Variants in VPS13A observed in about 807,000 individuals in gnomAD.
VPS13A encodes the protein intermembrane lipid transfer protein VPS13A.
VPS13A carries 264 observed loss-of-function variants against 390.9 expected under a neutral mutation model. That is an observed-to-expected ratio of 0.68 (90% CI 0.61 to 0.75). The LOEUF (loss-of-function observed/expected upper bound fraction) is 0.75, where lower values mean the gene tolerates loss of function less well. VPS13A is among the 30% of genes least tolerant of loss of function. The pLI is 0.00. For missense variants in VPS13A, 3,409 were observed against 3,733.9 expected (o/e 0.91, Z 2.27); for synonymous variants, 1,231 against 1,227.1 (o/e 1.00, Z -0.07).
intron 53 of VPS13A, 125 bp downstream of exon 53, chr9:77,351,571 G>A: frequency 8.2e-7 from 1 of 1,218,602 alleles, no homozygotes; most frequent in Admixed American, 1.7e-5. Context: ...ATGAGTTGGA[G>A]ATCAGCCTGG....
chr9:77,242,682 G>T (rs1240947375), intron 19 of VPS13A, among the ~76,000 whole-genome samples: 1 of 151,724 alleles, frequency 6.6e-6, no homozygotes, highest in East Asian at 1.9e-4. Context: ...GAAACTCATA[G>T]TTAAATACAA....
chr9:77,367,960 A>G (rs1212152397), intron 61 of VPS13A, 95 bp from the exon 62 acceptor site: 1 of 1,179,146 alleles, frequency 8.5e-7, no homozygotes, highest in African/African-American at 1.5e-5. Context: ...AAAGGTTTGG[A>G]GAAAAGATTC....
At chr9:77,268,409 C>T (rs1187446364) in intron 23 of VPS13A, among the ~76,000 whole-genome samples, 1 of 152,118 alleles carries the variant, frequency 6.6e-6, no homozygotes, top group East Asian at 1.9e-4. Flanking sequence ...AGGGAGTTCC[C>T]TGATCCCTTT....
Position 77,370,523 on chromosome 9 carries a change from A to C in VPS13A, c.8852A>C (p.Lys2951Thr). The change falls in exon 65 of 72, where the codon AAG (lysine) becomes ACG (threonine). Residue 2951 changes from lysine (K) to threonine (T), a missense_variant. Transcript: ENST00000360280. ...CAGAAGAGAAGAGAAGCCATGAATA[A>C]GCAACCAGCTGGTTTTAGAGAAGGC... ...YQQKRREAMNKQPAGFREGIT... is the reference protein window; with the variant it reads ...YQQKRREAMNTQPAGFREGIT... The C allele has an allele frequency of 6.2e-7, 1 of 1,614,186 alleles. No individual in the cohort carries two copies. Among genetic ancestry groups the C allele is most frequent in the Non-Finnish European group, 8.5e-7 (1 of 1,180,022 alleles).
intron 1 of VPS13A, among the ~76,000 whole-genome samples, chr9:77,185,316 AT>A (rs1412619952): frequency 6.6e-6 from 1 of 151,992 alleles, no homozygotes; most frequent in Non-Finnish European, 1.5e-5. Flanking sequence ...TACTTTTTGT[AT>A]TTTTAGTAGA....
At chr9:77,392,475 T>G (rs1833935064) in intron 68 of VPS13A, among the ~76,000 whole-genome samples, 1 of 152,150 alleles carries the variant, frequency 6.6e-6, no homozygotes, top group East Asian at 1.9e-4. Flanking sequence ...TGACGTCAGT[T>G]TCCAGGTTGT....
At chr9:77,258,275 T>C (rs965544573) in intron 22 of VPS13A, among the ~76,000 whole-genome samples, 1 of 152,170 alleles carries the variant, frequency 6.6e-6, no homozygotes, top group African/African-American at 2.4e-5. Flanking sequence ...GAGTTGCTAC[T>C]AGCAAGGCAA....
At chr9:77,382,990 A>G (rs1301338597) in intron 68 of VPS13A, 8 of 985,152 alleles carry the variant, frequency 8.1e-6, no homozygotes, top group African/African-American at 1.7e-5. Flanking sequence ...AAATTAAATC[A>G]TTTGTTTGAA....
At chr9:77,205,928 A>T in intron 4 of VPS13A, 50 bp from the exon 5 acceptor site, 1 of 1,165,376 alleles carries the variant, frequency 8.6e-7, no homozygotes, top group Non-Finnish European at 1.2e-6. Context: ...TGGAATGACT[A>T]TATTTAAATT....
intron 17 of VPS13A, among the ~76,000 whole-genome samples, chr9:77,237,560 T>C (rs1274820325): frequency 6.6e-6 from 1 of 152,132 alleles, no homozygotes; most frequent in Non-Finnish European, 1.5e-5. Flanking sequence ...AGACAGGGTT[T>C]CACCACGTTG....
At chr9:77,250,363 G>T (rs1213810625) in intron 21 of VPS13A, 134 bp downstream of exon 21, 1 of 1,127,408 alleles carries the variant, frequency 8.9e-7, no homozygotes, top group Non-Finnish European at 1.3e-6. Context: ...AGTAAATATT[G>T]TCTAGCTGTT....
chr9:77,239,315 G>A (rs748870979), intron 19 of VPS13A, among the ~76,000 whole-genome samples: 8 of 151,578 alleles, frequency 5.3e-5, no homozygotes, highest in Non-Finnish European at 7.4e-5. Context: ...TAATAGAGAC[G>A]GGGTTTTAAT....
chr9:77,399,825 C>T (rs557057899), intron 68 of VPS13A, among the ~76,000 whole-genome samples: 2 of 152,298 alleles, frequency 1.3e-5, no homozygotes, highest in Admixed American at 1.3e-4. Flanking sequence ...CATGTTGAAA[C>T]TGGTTTAACT....
intron 45 of VPS13A, among the ~76,000 whole-genome samples, chr9:77,325,543 T>C (rs1829972275): frequency 6.6e-6 from 1 of 152,026 alleles, no homozygotes; most frequent in Admixed American, 6.5e-5. Flanking sequence ...ATTTGTTCTT[T>C]GCTTCCATCT....
intron 68 of VPS13A, among the ~76,000 whole-genome samples, chr9:77,394,308 C>G (rs1192045319): frequency 2.0e-5 from 3 of 152,002 alleles, no homozygotes; most frequent in East Asian, 3.9e-4. Context: ...CTCAAGCGAT[C>G]CGCCCACCAT....
chr9:77,382,279 G>A (rs1833485981), intron 68 of VPS13A, 192 bp downstream of exon 68: 2 of 1,513,494 alleles, frequency 1.3e-6, no homozygotes, highest in South Asian at 1.4e-5. Flanking sequence ...TTTTTTACAG[G>A]CATCAAAAAG....
chr9:77,255,681 C>G (rs1410096892), intron 22 of VPS13A, among the ~76,000 whole-genome samples: 2 of 152,012 alleles, frequency 1.3e-5, no homozygotes, highest in Admixed American at 6.6e-5. Flanking sequence ...ATTACTGATT[C>G]AGTCTCCATA....
At position 77,345,024 on chromosome 9, in the gene VPS13A, G is replaced by C; in HGVS notation, c.7171G>C (p.Ala2391Pro). The C allele has an allele frequency of 6.2e-7, 1 of 1,612,258 alleles. No individual in the cohort carries two copies. ...RLDNELGGII[A>P]EVNLAEHSTV... ...TTTCTTCTAGCTTGGAGGTATTATA[G>C]CAGAAGTGAATTTGGCCGAGCATTC... Residue 2391 changes from alanine to proline, a missense_variant, in exon 52 of 72, where the codon GCA becomes CCA. Physicochemically the swap from Ala to Pro is conservative, Grantham distance 27. This residue lies in a region of VPS13A where 2,717 missense variants were observed against 2,917.4 expected (regional missense o/e 0.93). Coordinates refer to ENST00000360280, the MANE Select transcript of VPS13A (RefSeq NM_033305.3).
chr9:77,305,355 G>A (rs1279724059), intron 34 of VPS13A, among the ~76,000 whole-genome samples: 1 of 152,206 alleles, frequency 6.6e-6, no homozygotes, highest in Non-Finnish European at 1.5e-5. Flanking sequence ...GGAGATGGAA[G>A]TTATCTTTTT....
Sources: gnomAD v4.1 joint callset for allele counts (sites outside exome capture counted in the v4.1 genomes callset) on GRCh38, gnomAD v4.1.1 for gene constraint, gnomAD v4.1.1 regional missense constraint, MANE v1.5 for transcripts, NCBI Gene and HGNC (gene_info 2026-07-23, HGNC 2026-07-21) for gene names.